Variants in RGL1 observed in about 807,000 individuals in gnomAD.
RGL1 encodes the protein ral guanine nucleotide dissociation stimulator like 1, also known as ral guanine nucleotide dissociation stimulator-like 1.
In RGL1, 24 loss-of-function variants were observed where a neutral mutation model predicts 95.2. The observed-to-expected ratio is 0.25, with a 90% CI of 0.18 to 0.35. The LOEUF is 0.35. Ranked by LOEUF, RGL1 falls within the 10% of genes least tolerant of loss-of-function variation. RGL1 has a pLI of 1.00. For synonymous variants in RGL1, 329 were observed against 344.9 expected (o/e 0.95, Z 0.51); for missense variants, 715 against 936.3 (o/e 0.76, Z 3.08).
At chr1:183,879,442 C>A (rs1666699280) in intron 4 of RGL1, among the ~76,000 whole-genome samples, 1 of 152,180 alleles carries the variant, frequency 6.6e-6, no homozygotes, top group Non-Finnish European at 1.5e-5. Flanking sequence ...ACTAAAAAAA[C>A]AATTTCTTTG....
At chr1:183,712,380 T>C (rs1238920910) in intron 1 of RGL1, among the ~76,000 whole-genome samples, 2 of 152,220 alleles carry the variant, frequency 1.3e-5, no homozygotes, top group African/African-American at 4.8e-5. Flanking sequence ...TTGTAAGCGA[T>C]TCATTTTTAG....
At chr1:183,857,316 C>A (rs1056290965) in intron 3 of RGL1, among the ~76,000 whole-genome samples, 1 of 152,180 alleles carries the variant, frequency 6.6e-6, no homozygotes, top group African/African-American at 2.4e-5. Flanking sequence ...AGGAACATAG[C>A]CCTGACAACA....
intron 2 of RGL1, among the ~76,000 whole-genome samples, chr1:183,750,293 C>T (rs1292578319): frequency 6.6e-6 from 1 of 152,104 alleles, no homozygotes; most frequent in East Asian, 1.9e-4. Context: ...TGTCTTCACT[C>T]TTTATTTCAT....
chr1:183,849,387 G>A (rs9425614), intron 3 of RGL1, among the ~76,000 whole-genome samples: 24,002 of 151,570 alleles, frequency 0.16, 2,287 homozygotes, highest in East Asian at 0.29. Flanking sequence ...AAACCAGCAC[G>A]TGTAGATGAA....
chr1:183,850,004 C>T (rs535295625), intron 3 of RGL1, among the ~76,000 whole-genome samples: 22 of 152,256 alleles, frequency 1.4e-4, no homozygotes, highest in Admixed American at 1.3e-3. Flanking sequence ...CTCATTTTCC[C>T]CACACTCTTG....
At chr1:183,924,401 G>A (rs996275221) in intron 17 of RGL1, among the ~76,000 whole-genome samples, 1 of 152,122 alleles carries the variant, frequency 6.6e-6, no homozygotes, top group Non-Finnish European at 1.5e-5. Context: ...TCACTCATAA[G>A]TGGGAGTTGA....
At chr1:183,847,957 G>A (rs1451584600) in intron 3 of RGL1, among the ~76,000 whole-genome samples, 183 bp downstream of exon 3, 1 of 152,174 alleles carries the variant, frequency 6.6e-6, no homozygotes, top group African/African-American at 2.4e-5. Context: ...ATGGTCTGTT[G>A]CTGGGGAAAA....
At chr1:183,786,934 CTAGTTATTGCCAAT>C (rs1331667408) in intron 2 of RGL1, among the ~76,000 whole-genome samples, 1 of 152,156 alleles carries the variant, frequency 6.6e-6, no homozygotes, top group African/African-American at 2.4e-5. Context: ...ACAGAAAACA[CTAGTTATTGCCAAT>C]ACAAAAATAT....
At chr1:183,923,870 G>T (rs1329922348) in intron 17 of RGL1, among the ~76,000 whole-genome samples, 1 of 152,158 alleles carries the variant, frequency 6.6e-6, no homozygotes, top group Non-Finnish European at 1.5e-5. Flanking sequence ...CAGTCTTGTT[G>T]TTGGATATCA....
chr1:183,718,278 A>T (rs2102196414), intron 1 of RGL1, among the ~76,000 whole-genome samples: 1 of 151,746 alleles, frequency 6.6e-6, no homozygotes, highest in East Asian at 1.9e-4. Context: ...GTTTATGTAT[A>T]TTTTAAATGG....
intron 2 of RGL1, among the ~76,000 whole-genome samples, chr1:183,752,302 C>T (rs1658052685): frequency 6.6e-6 from 1 of 152,010 alleles, no homozygotes; most frequent in African/African-American, 2.4e-5. Context: ...TTTGGGCTCA[C>T]TGCAACTTCC....
At chr1:183,719,198 C>T (rs1655833240) in intron 1 of RGL1, among the ~76,000 whole-genome samples, 1 of 152,150 alleles carries the variant, frequency 6.6e-6, no homozygotes, top group South Asian at 2.1e-4. Flanking sequence ...CTACACTATT[C>T]ATTTCATTCT....
chr1:183,733,568 C>T (rs1656759269), intron 1 of RGL1, among the ~76,000 whole-genome samples: 1 of 152,172 alleles, frequency 6.6e-6, no homozygotes, highest in Non-Finnish European at 1.5e-5. Context: ...GCCCTCTCCC[C>T]TGCTGGATGA....
intron 3 of RGL1, among the ~76,000 whole-genome samples, chr1:183,864,055 C>T (rs1665678658): frequency 6.6e-6 from 1 of 152,176 alleles, no homozygotes; most frequent in Admixed American, 6.5e-5. Context: ...TCCAAACCTG[C>T]ACCTCAGCTC....
intron 1 of RGL1, among the ~76,000 whole-genome samples, chr1:183,686,307 G>A (rs548306256): frequency 2.0e-4 from 30 of 152,210 alleles, no homozygotes; most frequent in African/African-American, 7.0e-4. Flanking sequence ...ACAGTCTGGT[G>A]TATTATTTTC....
At chr1:183,659,823 C>T (rs149757184) in intron 1 of RGL1, among the ~76,000 whole-genome samples, 7,719 of 147,474 alleles carry the variant, frequency 0.052, 324 homozygotes, top group African/African-American at 0.13. Flanking sequence ...TCGGGTTACC[C>T]ACAAAGGGAA....
intron 2 of RGL1, among the ~76,000 whole-genome samples, chr1:183,756,024 C>T (rs1658313582): frequency 1.3e-5 from 2 of 151,908 alleles, no homozygotes; most frequent in Admixed American, 6.6e-5. Flanking sequence ...GCTGGGATTA[C>T]AGGTGCCTGC....
intron 2 of RGL1, among the ~76,000 whole-genome samples, chr1:183,836,305 C>T (rs1450719260): frequency 6.6e-6 from 1 of 151,934 alleles, no homozygotes; most frequent in Admixed American, 6.6e-5. Flanking sequence ...GGTTGGAGTG[C>T]AATGGCGCGA....
chr1:183,896,721 A>G (rs1488338406), intron 9 of RGL1, among the ~76,000 whole-genome samples: 1 of 152,208 alleles, frequency 6.6e-6, no homozygotes, highest in East Asian at 1.9e-4. Context: ...TGAGAACTTA[A>G]CAAGACCCCA....
Sources: allele counts gnomAD v4.1 joint callset (sites outside exome capture counted in the v4.1 genomes callset), GRCh38; gene constraint gnomAD v4.1.1; transcripts MANE v1.5; gene names NCBI Gene and HGNC (gene_info 2026-07-23, HGNC 2026-07-21).